The following ITFG1 variants were observed in gnomAD, a reference collection of about 807,000 sequenced individuals.
The protein encoded by ITFG1 is T-cell immunomodulatory protein.
Under a neutral mutation model 81.8 loss-of-function variants are expected in ITFG1, and 34 were observed. The observed-to-expected ratio is 0.42, with a 90% CI of 0.32 to 0.55. The LOEUF (loss-of-function observed/expected upper bound fraction) is 0.55, where lower values mean the gene tolerates loss of function less well. Among genes scored for constraint, ITFG1 ranks in the 20% least tolerant of loss-of-function variants. ITFG1 has a pLI of 0.17. For synonymous variants in ITFG1, 285 were observed against 270.6 expected, an observed-to-expected ratio of 1.05 and a Z score of -0.52; for missense variants, 672 against 755.4, an observed-to-expected ratio of 0.89 and a Z score of 1.29.
intron 13 of ITFG1, among the ~76,000 whole-genome samples, chr16:47,222,281 G>C (rs1421996846): frequency 1.3e-5 from 2 of 151,188 alleles, no homozygotes; most frequent in African/African-American, 2.4e-5. Flanking sequence ...ATTCTGGTAT[G>C]TTGTGTCTTT....
chr16:47,386,492 T>G (rs1357944253), intron 6 of ITFG1, among the ~76,000 whole-genome samples: 1 of 152,134 alleles, frequency 6.6e-6, no homozygotes, highest in Non-Finnish European at 1.5e-5. Context: ...TCCAAGAGTG[T>G]GAGGTCAAGA....
At chr16:47,291,497 G>A (rs1966905161) in intron 10 of ITFG1, among the ~76,000 whole-genome samples, 1 of 152,090 alleles carries the variant, frequency 6.6e-6, no homozygotes, top group Non-Finnish European at 1.5e-5. Context: ...CACCGACATG[G>A]AAAGTGTTCA....
At chr16:47,246,833 C>T (rs949912762) in intron 12 of ITFG1, among the ~76,000 whole-genome samples, 1 of 152,128 alleles carries the variant, frequency 6.6e-6, no homozygotes, top group African/African-American at 2.4e-5. Flanking sequence ...GAGACAGTCT[C>T]ACTCTGTTGC....
chr16:47,334,507 TC>T (rs1404226372), intron 8 of ITFG1, among the ~76,000 whole-genome samples: 1 of 152,198 alleles, frequency 6.6e-6, no homozygotes, highest in Non-Finnish European at 1.5e-5. Context: ...GCCAAAAAAT[TC>T]CTAGAGCAAG....
chr16:47,256,337 G>A (rs1966139104), intron 12 of ITFG1, among the ~76,000 whole-genome samples: 1 of 152,118 alleles, frequency 6.6e-6, no homozygotes, highest in South Asian at 2.1e-4. Flanking sequence ...GACTGTCCTG[G>A]ATTTAGTAGT....
intron 13 of ITFG1, among the ~76,000 whole-genome samples, chr16:47,224,107 A>G (rs1385011046): frequency 2.0e-5 from 3 of 152,050 alleles, no homozygotes; most frequent in Admixed American, 2.0e-4. Flanking sequence ...AGATACACCT[A>G]ATGCTGGATG....
chr16:47,366,385 C>T (rs779930588), intron 7 of ITFG1, among the ~76,000 whole-genome samples: 3 of 152,010 alleles, frequency 2.0e-5, no homozygotes, highest in Non-Finnish European at 4.4e-5. Flanking sequence ...CTTAAAGGGC[C>T]AATCCATCAA....
At chr16:47,222,692 C>A (rs187405911) in intron 13 of ITFG1, among the ~76,000 whole-genome samples, 1 of 152,174 alleles carries the variant, frequency 6.6e-6, no homozygotes, top group Non-Finnish European at 1.5e-5. Context: ...GGATTACAGG[C>A]GTGAGCCACT....
intron 5 of ITFG1, among the ~76,000 whole-genome samples, chr16:47,442,252 T>C (rs1399672538): frequency 6.6e-6 from 1 of 152,216 alleles, no homozygotes; most frequent in Non-Finnish European, 1.5e-5. Context: ...ATGGCCATAC[T>C]GTCCAATGTA....
intron 6 of ITFG1, among the ~76,000 whole-genome samples, chr16:47,399,556 G>C (rs1388288667): frequency 1.3e-5 from 2 of 150,834 alleles, no homozygotes; most frequent in East Asian, 1.9e-4. Flanking sequence ...CTGGGCAAGA[G>C]AGCGAGACTC....
At chr16:47,282,439 G>A (rs574342588) in intron 10 of ITFG1, among the ~76,000 whole-genome samples, 14 of 152,072 alleles carry the variant, frequency 9.2e-5, no homozygotes, top group South Asian at 4.2e-4. Context: ...TAGATGAGTC[G>A]TATTCCATGG....
At chr16:47,384,149 C>G (rs1456031683) in intron 6 of ITFG1, among the ~76,000 whole-genome samples, 1 of 152,120 alleles carries the variant, frequency 6.6e-6, no homozygotes, top group Non-Finnish European at 1.5e-5. Flanking sequence ...TCTTAAGTGG[C>G]ACAATTCAAT....
At chr16:47,323,739 T>C (rs1044103185) in intron 8 of ITFG1, among the ~76,000 whole-genome samples, 1 of 152,072 alleles carries the variant, frequency 6.6e-6, no homozygotes, top group Non-Finnish European at 1.5e-5. Flanking sequence ...TCTCAGTGAG[T>C]TGGGGTAGTA....
At chr16:47,202,354 G>T in intron 14 of ITFG1, 1 of 152,158 alleles carries the variant, frequency 6.6e-6, no homozygotes. Context: ...AGAAAATTAT[G>T]CCACAACCTT....
At chr16:47,242,869 G>C (rs1295176504) in intron 12 of ITFG1, among the ~76,000 whole-genome samples, 1 of 152,116 alleles carries the variant, frequency 6.6e-6, no homozygotes, top group Admixed American at 6.5e-5. Flanking sequence ...ACTAATAAGG[G>C]GGCTGGAGGG....
At chr16:47,183,909 T>C (rs1481453167) in intron 14 of ITFG1, among the ~76,000 whole-genome samples, 1 of 152,124 alleles carries the variant, frequency 6.6e-6, no homozygotes, top group African/African-American at 2.4e-5. Flanking sequence ...GAAGAATGTA[T>C]AACTACAATA....
At chr16:47,372,748 T>A (rs547754246) in intron 7 of ITFG1, among the ~76,000 whole-genome samples, 8 of 152,282 alleles carry the variant, frequency 5.3e-5, no homozygotes, top group African/African-American at 1.9e-4. Flanking sequence ...CTACTGTGCC[T>A]GGCCTCTATT....
chr16:47,251,876 C>T (rs1966080179), intron 12 of ITFG1, among the ~76,000 whole-genome samples: 3 of 152,158 alleles, frequency 2.0e-5, no homozygotes, highest in African/African-American at 7.2e-5. Flanking sequence ...TTTTCTTGTA[C>T]TGTACTCACA....
chr16:47,412,307 CA>C (rs889955000), intron 6 of ITFG1, among the ~76,000 whole-genome samples: 1 of 150,680 alleles, frequency 6.6e-6, no homozygotes, highest in African/African-American at 2.4e-5. Context: ...TCTGGATGGC[CA>C]AAAAAAATGA....
Sources: allele counts gnomAD v4.1 joint callset (sites outside exome capture counted in the v4.1 genomes callset), GRCh38; gene constraint gnomAD v4.1.1; transcripts MANE v1.5; gene names NCBI Gene and HGNC (gene_info 2026-07-23, HGNC 2026-07-21).